Variants in MYT1L observed in about 807,000 individuals in gnomAD.
MYT1L encodes myelin transcription factor 1-like protein.
In MYT1L, 12 loss-of-function variants were observed where a neutral mutation model predicts 126.7. That is an observed-to-expected ratio of 0.09 (90% CI 0.06 to 0.15). MYT1L has a LOEUF of 0.15. Among genes scored for constraint, MYT1L ranks in the 10% least tolerant of loss-of-function variants. The probability of loss-of-function intolerance (pLI) is 1.00; values close to 1 mark genes in which losing one functional copy is unlikely to be tolerated. For synonymous variants in MYT1L, 541 were observed against 604.2 expected (o/e 0.90, Z 1.53); for missense variants, 979 against 1,585.2 (o/e 0.62, Z 6.49).
At chr2:2,169,974 C>G (rs1226230567) in intron 3 of MYT1L, among the ~76,000 whole-genome samples, 1 of 152,220 alleles carries the variant, frequency 6.6e-6, no homozygotes, top group Non-Finnish European at 1.5e-5. Context: ...GAAACATTTT[C>G]TCCTCTTGAA....
intron 3 of MYT1L, among the ~76,000 whole-genome samples, chr2:2,084,429 G>A (rs2076155382): frequency 6.6e-6 from 1 of 152,214 alleles, no homozygotes; most frequent in Non-Finnish European, 1.5e-5. Flanking sequence ...CCATGATCAG[G>A]TTAGAAAACA....
intron 19 of MYT1L, among the ~76,000 whole-genome samples, chr2:1,845,065 G>A (rs2042319844): frequency 6.7e-6 from 1 of 149,960 alleles, no homozygotes; most frequent in Non-Finnish European, 1.5e-5. Context: ...TGAAGCCTCC[G>A]CCTCCCAGAT....
At chr2:1,873,365 C>G (rs1455924704) in intron 18 of MYT1L, among the ~76,000 whole-genome samples, 1 of 152,112 alleles carries the variant, frequency 6.6e-6, no homozygotes, top group Non-Finnish European at 1.5e-5. Context: ...AGACATTTTT[C>G]AATGACAAAA....
intron 4 of MYT1L, among the ~76,000 whole-genome samples, chr2:2,027,309 C>T (rs1034288945): frequency 6.6e-6 from 1 of 152,158 alleles, no homozygotes; most frequent in Admixed American, 6.5e-5. Context: ...AACAGCTGCA[C>T]GTGGAGCACC....
At chr2:2,143,395 G>T (rs1475177097) in intron 3 of MYT1L, among the ~76,000 whole-genome samples, 1 of 152,196 alleles carries the variant, frequency 6.6e-6, no homozygotes, top group East Asian at 1.9e-4. Flanking sequence ...TGGGGCCGAG[G>T]TGGTCGGTCA....
chr2:2,076,394 G>T (rs1221244699), intron 3 of MYT1L, among the ~76,000 whole-genome samples: 1 of 152,172 alleles, frequency 6.6e-6, no homozygotes, highest in East Asian at 1.9e-4. Context: ...CTTGGCAGAT[G>T]GTAGAAGCTG....
At chr2:2,207,281 C>T (rs2148874971) in intron 2 of MYT1L, among the ~76,000 whole-genome samples, 1 of 152,296 alleles carries the variant, frequency 6.6e-6, no homozygotes, top group Non-Finnish European at 1.5e-5. Context: ...TCTATATCTA[C>T]ACTACACATA....
rs191597996 is a variant in MYT1L at position 2,256,106 on chromosome 2, G to A, written c.-421+28298C>T. 4.1e-4 allele frequency among the ~76,000 whole-genome samples: 62 copies of A among 152,278 alleles called. No homozygotes were observed. The East Asian group carries it at 4.8e-3, about 12-fold the overall frequency. On this transcript the variant is annotated intron_variant, in intron 2 of 24. Transcript: ENST00000647738. ...ATCACCTCTGTAACCATCTTCACTC[G>A]CGTCGGGCCAAAACAAGACCCCCGG...
At chr2:2,241,109 AT>A (rs1003039631) in intron 2 of MYT1L, among the ~76,000 whole-genome samples, 3 of 151,740 alleles carry the variant, frequency 2.0e-5, no homozygotes, top group East Asian at 1.9e-4. Flanking sequence ...GGTACCAAGA[AT>A]TTTTTTTTGA....
chr2:2,173,883 C>A (rs1235161495), intron 2 of MYT1L, among the ~76,000 whole-genome samples: 1 of 152,170 alleles, frequency 6.6e-6, no homozygotes, highest in Non-Finnish European at 1.5e-5. Flanking sequence ...TACCATAAAT[C>A]CTCTAACAGA....
chr2:1,808,316 C>T (rs1408619682), intron 22 of MYT1L, among the ~76,000 whole-genome samples: 5 of 152,308 alleles, frequency 3.3e-5, no homozygotes, highest in East Asian at 3.9e-4. Context: ...GCTTGGCTAG[C>T]GTGTGTTTTC....
At chr2:1,814,432 T>C (rs2037315479) in intron 21 of MYT1L, among the ~76,000 whole-genome samples, 1 of 152,146 alleles carries the variant, frequency 6.6e-6, no homozygotes, top group East Asian at 1.9e-4. Context: ...TATCTTTTCC[T>C]CTTCTGCTGG....
chr2:1,895,943 T>C (rs2049508241), intron 14 of MYT1L, among the ~76,000 whole-genome samples: 1 of 152,156 alleles, frequency 6.6e-6, no homozygotes, highest in African/African-American at 2.4e-5. Flanking sequence ...CTATGTCAGA[T>C]GACAAATGCC....
At chr2:2,119,764 C>G (rs145591728) in intron 3 of MYT1L, among the ~76,000 whole-genome samples, 1 of 152,166 alleles carries the variant, frequency 6.6e-6, no homozygotes, top group Non-Finnish European at 1.5e-5. Context: ...GTATACAAAA[C>G]TGTATGTATG....
At chr2:2,318,131 G>C (rs963170283) in intron 1 of MYT1L, among the ~76,000 whole-genome samples, 2 of 152,220 alleles carry the variant, frequency 1.3e-5, no homozygotes, top group Non-Finnish European at 2.9e-5. Flanking sequence ...ATTTGCACAT[G>C]TTGGATTTTG....
At chr2:2,171,369 A>G (rs1234609966) in intron 3 of MYT1L, among the ~76,000 whole-genome samples, 1 of 152,218 alleles carries the variant, frequency 6.6e-6, no homozygotes, top group East Asian at 1.9e-4. Flanking sequence ...TACATTGAGC[A>G]TCCTTATTTA....
chr2:1,941,737 GTA>G (rs1304136054), intron 9 of MYT1L, among the ~76,000 whole-genome samples: 4 of 152,066 alleles, frequency 2.6e-5, no homozygotes, highest in African/African-American at 9.7e-5. Context: ...GCATCTATGT[GTA>G]TATATACATA....
chr2:2,135,164 A>C (rs954792836), intron 3 of MYT1L, among the ~76,000 whole-genome samples: 21 of 152,162 alleles, frequency 1.4e-4, no homozygotes, highest in African/African-American at 4.8e-4. Flanking sequence ...CTCATCTTGA[A>C]TTGTAGTTCT....
At chr2:2,005,948 T>G (rs1488099243) in intron 4 of MYT1L, among the ~76,000 whole-genome samples, 1 of 151,328 alleles carries the variant, frequency 6.6e-6, no homozygotes, top group Non-Finnish European at 1.5e-5. Context: ...GCATGTGTTC[T>G]TTCCTGAATG....
Sources: allele counts gnomAD v4.1 joint callset (sites outside exome capture counted in the v4.1 genomes callset), GRCh38; gene constraint gnomAD v4.1.1; transcripts MANE v1.5; gene names NCBI Gene and HGNC (gene_info 2026-07-23, HGNC 2026-07-21).